RORA: variants seen among roughly 807,000 people sequenced by gnomAD.
RORA encodes nuclear receptor ROR-alpha.
RORA carries 7 observed loss-of-function variants against 69.5 expected under a neutral mutation model. That is an observed-to-expected ratio of 0.10 (90% CI 0.06 to 0.19). The LOEUF is 0.19. RORA is among the 10% of genes least tolerant of loss of function. The pLI is 1.00. For synonymous variants in RORA, 261 were observed against 240.8 expected (o/e 1.08, Z -0.78); for missense variants, 457 against 663.0 (o/e 0.69, Z 3.41).
intron 1 of RORA, among the ~76,000 whole-genome samples, chr15:60,995,627 C>G (rs550869838): frequency 6.6e-6 from 1 of 152,308 alleles, no homozygotes; most frequent in East Asian, 1.9e-4. Flanking sequence ...AACTCAAGAC[C>G]CCCTCAAAAA....
At chr15:60,643,018 C>G (rs781424541) in intron 2 of RORA, among the ~76,000 whole-genome samples, 5 of 151,950 alleles carry the variant, frequency 3.3e-5, no homozygotes, top group Non-Finnish European at 7.4e-5. Context: ...TTAGTTGGGC[C>G]TGGTGAAGTG....
intron 1 of RORA, among the ~76,000 whole-genome samples, chr15:60,794,705 G>A (rs1567193735): frequency 6.6e-6 from 1 of 152,192 alleles, no homozygotes; most frequent in Non-Finnish European, 1.5e-5. Flanking sequence ...CTAAACGATT[G>A]GCCACTGTTT....
rs566029362 is a variant in RORA at position 60,628,456 on chromosome 15, C to T, written c.196+50201G>A. Among the ~76,000 whole-genome samples the T allele has an allele frequency of 8.5e-5, 13 of 152,314 alleles. No homozygotes were observed. In the South Asian group the frequency reaches 2.3e-3, roughly 27 times the overall value. On this transcript the variant is annotated intron_variant, in intron 2 of 10. Transcript: ENST00000335670. ...TCATAAATCGCTGCTGCCTCAAACT[C>T]CTGGGCTCAAGGGATCCTCCTGCCT...
chr15:61,071,063 A>T (rs1278955039), intron 1 of RORA, among the ~76,000 whole-genome samples: 1 of 151,062 alleles, frequency 6.6e-6, no homozygotes, highest in Admixed American at 6.6e-5. Flanking sequence ...TTATGAATTG[A>T]AGTATGTCTT....
At chr15:60,602,559 G>C (rs1567118012) in intron 2 of RORA, among the ~76,000 whole-genome samples, 1 of 152,166 alleles carries the variant, frequency 6.6e-6, no homozygotes, top group African/African-American at 2.4e-5. Flanking sequence ...CAAGAGAAAA[G>C]AAAACATGTT....
chr15:60,517,070 G>C (rs1358585992), intron 3 of RORA, among the ~76,000 whole-genome samples: 1 of 146,336 alleles, frequency 6.8e-6, no homozygotes, highest in African/African-American at 2.7e-5. Flanking sequence ...AGTAGTTGGT[G>C]GGGCCAATCA....
intron 1 of RORA, among the ~76,000 whole-genome samples, chr15:60,944,713 A>AAAGCAGCATGG (rs1892814616): frequency 6.6e-6 from 1 of 151,202 alleles, no homozygotes; most frequent in African/African-American, 2.4e-5. Flanking sequence ...AAAAAAAAAA[A>AAAGCAGCATGG]AGCAGCATGG....
chr15:61,171,167 C>T (rs190903950), intron 1 of RORA, among the ~76,000 whole-genome samples: 16 of 152,302 alleles, frequency 1.1e-4, no homozygotes, highest in African/African-American at 2.9e-4. Context: ...ACCTGCCCCA[C>T]GGGCAGCTGG....
intron 2 of RORA, among the ~76,000 whole-genome samples, chr15:60,547,213 G>A (rs1054127780): frequency 1.2e-4 from 18 of 152,032 alleles, no homozygotes; most frequent in African/African-American, 3.9e-4. Context: ...AGGATTGAGC[G>A]TCAAAGTTCT....
chr15:60,546,006 G>C (rs1213232490), intron 2 of RORA, among the ~76,000 whole-genome samples: 3 of 152,146 alleles, frequency 2.0e-5, no homozygotes, highest in African/African-American at 7.2e-5. Context: ...TGGTGATCAG[G>C]TTGCCTTCAG....
At chr15:60,750,603 T>C (rs2071709979) in intron 1 of RORA, among the ~76,000 whole-genome samples, 1 of 152,180 alleles carries the variant, frequency 6.6e-6, no homozygotes, top group Admixed American at 6.5e-5. Flanking sequence ...GCTCTCTATG[T>C]ATATAATCTT....
At chr15:60,669,092 G>A (rs908864626) in intron 2 of RORA, among the ~76,000 whole-genome samples, 4 of 152,198 alleles carry the variant, frequency 2.6e-5, no homozygotes, top group African/African-American at 9.7e-5. Context: ...AGAGTAGCCT[G>A]CAGCCAATTA....
At chr15:60,696,892 G>A (rs571159819) in intron 1 of RORA, among the ~76,000 whole-genome samples, 157 of 152,292 alleles carry the variant, frequency 1.0e-3, no homozygotes, top group South Asian at 4.1e-3. Context: ...TAGCCTTAGA[G>A]GCATTTATAT....
At chr15:60,951,433 TA>T (rs1412490529) in intron 1 of RORA, among the ~76,000 whole-genome samples, 1 of 149,704 alleles carries the variant, frequency 6.7e-6, no homozygotes, top group Non-Finnish European at 1.5e-5. Context: ...AAGAAATAAC[TA>T]AAATCAGAGC....
In RORA at chr15:60,606,974, C is replaced by T. The variant is rs190285308; in HGVS notation, c.196+71683G>A. Among the ~76,000 whole-genome samples the T allele has an allele frequency of 1.1e-4, 17 of 152,230 alleles. No individual in the cohort carries two copies. The South Asian group carries it at 2.1e-3, about 19-fold the overall frequency. On this transcript the variant is annotated intron_variant, in intron 2 of 10. Coordinates refer to ENST00000335670, the MANE Select transcript of RORA (RefSeq NM_134261.3). ...AAAAGCATCCCTTTGATATTTACTC[C>T]GAGGCTTTTTTCTCTTATGTAAGAC...
At chr15:60,902,096 T>A (rs1371000069) in intron 1 of RORA, among the ~76,000 whole-genome samples, 1 of 152,208 alleles carries the variant, frequency 6.6e-6, no homozygotes, top group African/African-American at 2.4e-5. Flanking sequence ...ATATTATAGA[T>A]AAAGCTGAAT....
At chr15:60,627,545 G>A in intron 2 of RORA, 18 of 1,377,622 alleles carry the variant, frequency 1.3e-5, no homozygotes, top group Non-Finnish European at 1.3e-5. Context: ...GCCATGGGCA[G>A]TGGAATCCCA....
intron 1 of RORA, among the ~76,000 whole-genome samples, chr15:61,023,036 A>C (rs989683231): frequency 7.2e-5 from 11 of 151,850 alleles, no homozygotes; most frequent in African/African-American, 2.4e-4. Flanking sequence ...AATACAAAAA[A>C]AATTAGCTGG....
chr15:61,023,035 A>C (rs1026431332), intron 1 of RORA, among the ~76,000 whole-genome samples: 31 of 151,900 alleles, frequency 2.0e-4, no homozygotes, highest in Non-Finnish European at 7.4e-5. Flanking sequence ...AAATACAAAA[A>C]AAATTAGCTG....
Sources: allele counts gnomAD v4.1 joint callset (sites outside exome capture counted in the v4.1 genomes callset), GRCh38; gene constraint gnomAD v4.1.1; transcripts MANE v1.5; gene names NCBI Gene and HGNC (gene_info 2026-07-23, HGNC 2026-07-21).